Variants in GRHL2 observed in about 807,000 individuals in gnomAD.
GRHL2 encodes the protein grainyhead-like protein 2 homolog.
GRHL2 carries 21 observed loss-of-function variants against 83.8 expected under a neutral mutation model. The observed-to-expected ratio is 0.25, with a 90% CI of 0.18 to 0.36. GRHL2 has a LOEUF of 0.36. GRHL2 is among the 10% of genes least tolerant of loss of function. GRHL2 has a pLI of 1.00. For missense variants in GRHL2, 623 were observed against 781.8 expected (o/e 0.80, Z 2.42); for synonymous variants, 280 against 278.9 (o/e 1.00, Z -0.04).
chr8:101,517,937 G>A (rs1053418786), intron 1 of GRHL2, among the ~76,000 whole-genome samples: 3 of 152,068 alleles, frequency 2.0e-5, no homozygotes, highest in Non-Finnish European at 4.4e-5. Flanking sequence ...CAGGCAACTC[G>A]GGCTCACCAG....
At chr8:101,509,051 T>A (rs1175866288) in intron 1 of GRHL2, among the ~76,000 whole-genome samples, 2 of 152,064 alleles carry the variant, frequency 1.3e-5, no homozygotes, top group African/African-American at 4.8e-5. Context: ...TTCTCAGGCT[T>A]GGTCAGGCTT....
Position 101,604,357 on chromosome 8 carries a change from G to A in GRHL2, c.1098+5206G>A, listed in dbSNP as rs370084714. On this transcript the variant is annotated intron_variant, in intron 8 of 15. Coordinates refer to ENST00000646743, the MANE Select transcript of GRHL2 (RefSeq NM_024915.4). The stretch of plus-strand genomic sequence containing the variant: ...TCTAAGTGATGACATCACCCCCAGA[G>A]CAGAGTGCAGCAAACCCTAATTACA... Among the ~76,000 whole-genome samples, 164 of 152,248 alleles carry A rather than the reference G, an allele frequency of 1.1e-3. 5 individuals carry two copies. The South Asian group carries it at 0.033, about 31-fold the overall frequency.
intron 8 of GRHL2, among the ~76,000 whole-genome samples, chr8:101,603,783 G>A (rs1812567478): frequency 6.6e-6 from 1 of 152,136 alleles, no homozygotes; most frequent in Non-Finnish European, 1.5e-5. Flanking sequence ...CTGGAAGCCT[G>A]TGTAATGTGA....
At chr8:101,521,048 A>G (rs891693051) in intron 1 of GRHL2, among the ~76,000 whole-genome samples, 1 of 152,216 alleles carries the variant, frequency 6.6e-6, no homozygotes, top group Non-Finnish European at 1.5e-5. Flanking sequence ...TTACTCATGC[A>G]ATACTTGTAT....
intron 7 of GRHL2, among the ~76,000 whole-genome samples, chr8:101,594,580 C>T (rs1812353870): frequency 6.6e-6 from 1 of 152,232 alleles, no homozygotes; most frequent in Non-Finnish European, 1.5e-5. Context: ...TGTGCATCAG[C>T]TGTTTAGTCC....
intron 2 of GRHL2, among the ~76,000 whole-genome samples, chr8:101,548,633 G>A (rs765807376): frequency 1.3e-5 from 2 of 152,208 alleles, no homozygotes; most frequent in Non-Finnish European, 2.9e-5. Flanking sequence ...TGAGTTTGAT[G>A]TGCCTGCAGG....
At chr8:101,540,005 A>G (rs1374085562) in intron 1 of GRHL2, among the ~76,000 whole-genome samples, 1 of 152,208 alleles carries the variant, frequency 6.6e-6, no homozygotes, top group Non-Finnish European at 1.5e-5. Flanking sequence ...ATGTCTGGCA[A>G]CTATTGGGCT....
At chr8:101,624,130 A>G (rs1215360039) in intron 9 of GRHL2, among the ~76,000 whole-genome samples, 1 of 148,736 alleles carries the variant, frequency 6.7e-6, no homozygotes, top group Non-Finnish European at 1.5e-5. Flanking sequence ...GACAGTACAC[A>G]GTAGGACAGT....
chr8:101,517,886 A>T (rs946830625), intron 1 of GRHL2, among the ~76,000 whole-genome samples: 5 of 152,060 alleles, frequency 3.3e-5, no homozygotes, highest in African/African-American at 4.8e-5. Context: ...GGGAGAGAGA[A>T]CTCCACATTT....
chr8:101,672,430 A>C (rs1243654268), downstream of GRHL2, among the ~76,000 whole-genome samples: 1 of 151,760 alleles, frequency 6.6e-6, no homozygotes, highest in African/African-American at 2.4e-5. Context: ...GAGCCAATGC[A>C]ATCAACTGGA....
At chr8:101,563,640 T>A (rs1294532018) in intron 4 of GRHL2, among the ~76,000 whole-genome samples, 5 of 152,188 alleles carry the variant, frequency 3.3e-5, no homozygotes, top group Non-Finnish European at 7.3e-5. Flanking sequence ...TCTTGAAATT[T>A]AAAAAATGGT....
At chr8:101,625,811 T>C (rs981311389) in intron 9 of GRHL2, among the ~76,000 whole-genome samples, 3 of 152,030 alleles carry the variant, frequency 2.0e-5, no homozygotes, top group Non-Finnish European at 2.9e-5. Flanking sequence ...GTTGGGTAAA[T>C]GATAAGCATT....
intron 2 of GRHL2, chr8:101,543,697 ATAT>A: frequency 2.1e-6 from 1 of 485,668 alleles, no homozygotes. Flanking sequence ...TATTATTTGC[ATAT>A]TATTCTTACC....
chr8:101,606,634 G>T (rs1422715696), intron 8 of GRHL2, among the ~76,000 whole-genome samples: 1 of 152,236 alleles, frequency 6.6e-6, no homozygotes, highest in African/African-American at 2.4e-5. Flanking sequence ...GAGTGCATTT[G>T]ATGTGGCCTG....
intron 15 of GRHL2, among the ~76,000 whole-genome samples, chr8:101,666,023 G>T (rs1814047551): frequency 6.6e-6 from 1 of 152,190 alleles, no homozygotes; most frequent in African/African-American, 2.4e-5. Flanking sequence ...CTAACTGAAT[G>T]AACTTGGGGA....
At chr8:101,534,476 T>C (rs563856436) in intron 1 of GRHL2, among the ~76,000 whole-genome samples, 18 of 152,124 alleles carry the variant, frequency 1.2e-4, no homozygotes, top group Non-Finnish European at 2.4e-4. Context: ...CAGAGTTTTA[T>C]TATCTAACTC....
intron 14 of GRHL2, among the ~76,000 whole-genome samples, chr8:101,663,649 A>T (rs575242819): frequency 4.6e-5 from 7 of 152,074 alleles, no homozygotes; most frequent in Middle Eastern, 3.4e-3. Flanking sequence ...AAATAAAAAT[A>T]AAAGTAGTAT....
chr8:101,671,958 T>C (rs1033306518), downstream of GRHL2, among the ~76,000 whole-genome samples: 1 of 152,114 alleles, frequency 6.6e-6, no homozygotes, highest in Admixed American at 6.5e-5. Flanking sequence ...TGGAGTGGAC[T>C]TCTAGCAAAC....
rs376132447 is a variant in GRHL2 at position 101,552,707 on chromosome 8, G to A, written c.217-8G>A. On this transcript the variant is annotated splice_polypyrimidine_tract_variant and splice_region_variant and intron_variant, in intron 2 of 15. Transcript: ENST00000646743. ...GTATGTCTGACTGATGGTTGGTGAT[G>A]TTTCCAGGTTCCTCGAGACAAGAGG... 59 of 1,613,842 alleles carry A rather than the reference G, an allele frequency of 3.7e-5. No individual in the cohort carries two copies. The highest frequency in any genetic ancestry group is 4.9e-5 in the Non-Finnish European group (58 of 1,179,890).
Sources: allele counts gnomAD v4.1 joint callset (sites outside exome capture counted in the v4.1 genomes callset), GRCh38; gene constraint gnomAD v4.1.1; transcripts MANE v1.5; gene names NCBI Gene and HGNC (gene_info 2026-07-23, HGNC 2026-07-21).